Variants in ZMYM6 observed in about 807,000 individuals in gnomAD.
The protein encoded by ZMYM6 is zinc finger MYM-type protein 6.
ZMYM6 carries 90 observed loss-of-function variants against 134.0 expected under a neutral mutation model. The observed-to-expected ratio is 0.67, with a 90% CI of 0.57 to 0.80. The LOEUF (loss-of-function observed/expected upper bound fraction) is 0.80, where lower values mean the gene tolerates loss of function less well. ZMYM6 is among the 30% of genes least tolerant of loss of function. The pLI, the probability that ZMYM6 is intolerant of heterozygous loss-of-function variation, is 0.00. For missense variants in ZMYM6, 1,362 were observed against 1,533.9 expected, an observed-to-expected ratio of 0.89 and a Z score of 1.87; for synonymous variants, 481 against 524.1, an observed-to-expected ratio of 0.92 and a Z score of 1.12.
In ZMYM6 at chr1:34,988,780, A is replaced by G. The variant is rs771739536; in HGVS notation, c.2302T>C (p.Cys768Arg). 6.4e-7 allele frequency: 1 copy of G among 1,551,612 alleles called. No individual in the cohort carries two copies. ...GSKESSPRPQ[C>R]VICGEILSSE... ...GATAAGATCTCTCCACAAATGACACACTGTGGCCTTGGTGAACTTTCTTTT... is the reference window on the plus strand; with the variant it reads ...GATAAGATCTCTCCACAAATGACACGCTGTGGCCTTGGTGAACTTTCTTTT... Residue 768 changes from cysteine to arginine, a missense_variant, in exon 16 of 16, where the codon TGT becomes CGT. Cys to Arg is a radical substitution (Grantham distance 180). This residue lies in a region of ZMYM6 where 824 missense variants were observed against 940.9 expected (regional missense o/e 0.88). Coordinates refer to ENST00000357182, the MANE Select transcript of ZMYM6 (RefSeq NM_007167.4).
At chr1:35,011,272 C>G (rs1253466868) in intron 8 of ZMYM6, among the ~76,000 whole-genome samples, 2 of 152,140 alleles carry the variant, frequency 1.3e-5, no homozygotes, top group African/African-American at 4.8e-5. Context: ...GTATATGCCT[C>G]TAATAAATTA....
chr1:34,988,319 G>GA lies in ZMYM6; in HGVS notation c.2762dup (p.Thr922HisfsTer11), dbSNP rs1373089066. ...AACGAATATAGCACAAAAGAAGTGTGATATTTGAGATTTCTGATGACTCAT... is the reference window on the plus strand; with the variant it reads ...AACGAATATAGCACAAAAGAAGTGTGAATATTTGAGATTTCTGATGACTCAT... On this transcript the variant is annotated frameshift_variant, in exon 16 of 16. Coordinates refer to ENST00000357182, the MANE Select transcript of ZMYM6 (RefSeq NM_007167.4). LOFTEE classifies it high-confidence loss of function. 10 of 1,551,114 alleles carry GA rather than the reference G, an allele frequency of 6.4e-6. No homozygotes were observed. Among genetic ancestry groups the GA allele is most frequent in the Non-Finnish European group, 8.7e-6 (10 of 1,146,736 alleles).
At chr1:35,013,639 A>G in intron 6 of ZMYM6, 1 of 985,430 alleles carries the variant, frequency 1.0e-6, no homozygotes, top group Non-Finnish European at 1.2e-6. Context: ...CAAACTTGCT[A>G]ACTGAAAAAA....
intron 2 of ZMYM6, among the ~76,000 whole-genome samples, chr1:35,025,158 A>C (rs1252296565): frequency 1.3e-5 from 2 of 148,798 alleles, no homozygotes; most frequent in Non-Finnish European, 3.0e-5. Context: ...GGTATGAGCC[A>C]CCACTCATGG....
At chr1:35,007,942 T>C (rs1641014675) in intron 11 of ZMYM6, among the ~76,000 whole-genome samples, 1 of 152,180 alleles carries the variant, frequency 6.6e-6, no homozygotes, top group South Asian at 2.1e-4. Context: ...CAGTAGTTGA[T>C]ATAATATGGG....
intron 2 of ZMYM6, among the ~76,000 whole-genome samples, chr1:35,027,596 T>TG (rs1439320858): frequency 6.6e-6 from 1 of 151,702 alleles, no homozygotes; most frequent in African/African-American, 2.4e-5. Context: ...AAAAACTAGC[T>TG]GGGTGTGGTG....
At chr1:34,991,659 G>T (rs1569738854) in intron 15 of ZMYM6, among the ~76,000 whole-genome samples, 2 of 151,836 alleles carry the variant, frequency 1.3e-5, no homozygotes, top group African/African-American at 4.8e-5. Flanking sequence ...AATCCCAGCT[G>T]CTCAGGAGGC....
intron 6 of ZMYM6, 123 bp from the exon 7 acceptor site, chr1:35,012,704 A>G: frequency 6.9e-7 from 1 of 1,458,502 alleles, no homozygotes; most frequent in Non-Finnish European, 9.0e-7. Context: ...GAGCATGATG[A>G]TGAAACCACA....
chr1:34,993,570 CTTAA>C (rs1167216605), intron 14 of ZMYM6, among the ~76,000 whole-genome samples: 1 of 152,176 alleles, frequency 6.6e-6, no homozygotes, highest in African/African-American at 2.4e-5. Context: ...CACTTGCTAC[CTTAA>C]TTCACCTTTG....
chr1:34,988,029 A>G lies in ZMYM6; in HGVS notation c.3053T>C (p.Val1018Ala). Residue 1018 changes from valine (V) to alanine (A), a missense_variant, in exon 16 of 16, where the codon GTG (valine) becomes GCG (alanine). Around this residue, in one of 3 missense-constraint regions of ZMYM6, gnomAD observed 824 missense variants for 940.9 expected, o/e 0.88. Coordinates refer to ENST00000357182, the MANE Select transcript of ZMYM6 (RefSeq NM_007167.4). ...THCFIHRERLVAEKLSPCLHK... is the reference protein window; with the variant it reads ...THCFIHRERLAAEKLSPCLHK... The stretch of plus-strand genomic sequence containing the variant: ...TAAACATGGAGACAACTTTTCTGCC[A>G]CTAAACGTTCACGGTGAATAAAACA... 1.3e-6 allele frequency: 2 copies of G among 1,551,430 alleles called. No homozygotes were observed. The highest frequency in any genetic ancestry group is 1.7e-6 in the Non-Finnish European group (2 of 1,146,888).
chr1:35,020,075 C>A (rs1265745536), intron 3 of ZMYM6, among the ~76,000 whole-genome samples: 2 of 152,026 alleles, frequency 1.3e-5, no homozygotes, highest in Non-Finnish European at 2.9e-5. Context: ...TTACTCAACG[C>A]AAGAAATACA....
chr1:35,019,474 G>C lies in ZMYM6; in HGVS notation c.307C>G (p.Gln103Glu). Residue 103 changes from glutamine to glutamate, a missense_variant, in exon 4 of 16, where the codon CAA (glutamine) becomes GAA (glutamate). Gln to Glu is a conservative substitution (Grantham distance 29). Transcript: ENST00000357182. ...GATCCTGTCTTATGATATGCAGTTT[G>C]GCCCTTATAAAGCATTTTTTTACAA... ...SGCKKMLYKG[Q>E]TAYHKTGSTQ... 6.2e-7 allele frequency: 1 copy of C among 1,614,026 alleles called. No individual in the cohort carries two copies.
chr1:35,024,671 A>G (rs565508173), intron 2 of ZMYM6, among the ~76,000 whole-genome samples: 9 of 152,002 alleles, frequency 5.9e-5, no homozygotes, highest in Non-Finnish European at 1.2e-4. Flanking sequence ...TAAACACACC[A>G]CATTCTCTCA....
chr1:35,019,230 A>C, intron 4 of ZMYM6, 123 bp downstream of exon 4: 1 of 1,393,032 alleles, frequency 7.2e-7, no homozygotes, highest in Non-Finnish European at 9.7e-7. Flanking sequence ...TCTTCCATTA[A>C]CTAAAAAGTT....
chr1:35,010,159 G>A (rs927719283), intron 10 of ZMYM6, among the ~76,000 whole-genome samples: 8 of 151,986 alleles, frequency 5.3e-5, no homozygotes, highest in Non-Finnish European at 8.8e-5. Flanking sequence ...ACAGGCGTGC[G>A]GCACCATGCC....
At chr1:34,994,859 G>A (rs1390519928) in intron 14 of ZMYM6, among the ~76,000 whole-genome samples, 2 of 150,890 alleles carry the variant, frequency 1.3e-5, no homozygotes, top group African/African-American at 4.9e-5. Flanking sequence ...AAGACCCCCA[G>A]TGGTTGCCTG....
chr1:34,993,831 C>T (rs903286001), intron 14 of ZMYM6, among the ~76,000 whole-genome samples: 1 of 151,702 alleles, frequency 6.6e-6, no homozygotes, highest in African/African-American at 2.4e-5. Context: ...CTACAAGCAC[C>T]CGCCACCACG....
intron 2 of ZMYM6, among the ~76,000 whole-genome samples, chr1:35,027,264 C>A (rs978078524): frequency 1.3e-5 from 2 of 152,260 alleles, no homozygotes; most frequent in Admixed American, 1.3e-4. Context: ...AAACAAAGGC[C>A]TAAACATGGA....
At position 35,030,651 on chromosome 1, in the gene ZMYM6, A is replaced by T. The variant is rs1237251455; in HGVS notation, c.-12T>A. On this transcript the variant is annotated 5_prime_UTR_variant, in exon 2 of 16. It removes the in-frame stop codon of an upstream open reading frame in the 5' UTR. Coordinates refer to ENST00000357182, the MANE Select transcript of ZMYM6 (RefSeq NM_007167.4). The stretch of plus-strand genomic sequence containing the variant: ...AAAGGTTCTTTCATTCTAATTTTTT[A>T]CCTCAAAGAGTGTCTCAGGCTCAAA... 6.2e-7 allele frequency: 1 copy of T among 1,611,022 alleles called. No homozygotes were observed. The highest frequency in any genetic ancestry group is 1.7e-5 in the Admixed American group (1 of 59,204).
Sources: gnomAD v4.1 joint callset for allele counts (sites outside exome capture counted in the v4.1 genomes callset) on GRCh38, gnomAD v4.1.1 for gene constraint, gnomAD v4.1.1 regional missense constraint, MANE v1.5 for transcripts, NCBI Gene and HGNC (gene_info 2026-07-23, HGNC 2026-07-21) for gene names.